AGBL4: variants seen among roughly 807,000 people sequenced by gnomAD.
The protein encoded by AGBL4 is cytosolic carboxypeptidase 6.
AGBL4 carries 58 observed loss-of-function variants against 66.4 expected under a neutral mutation model. The observed-to-expected ratio is 0.87, with a 90% CI of 0.71 to 1.09. The LOEUF (loss-of-function observed/expected upper bound fraction) is 1.09, where lower values mean the gene tolerates loss of function less well. Ranked by LOEUF, AGBL4 falls within the 50% of genes least tolerant of loss-of-function variation. AGBL4 has a pLI of 0.00. For synonymous variants in AGBL4, 234 were observed against 222.9 expected (o/e 1.05, Z -0.44); for missense variants, 579 against 631.0 (o/e 0.92, Z 0.88).
At chr1:49,540,240 AG>A (rs1651903091) in intron 3 of AGBL4, among the ~76,000 whole-genome samples, 3 of 152,202 alleles carry the variant, frequency 2.0e-5, no homozygotes, top group African/African-American at 4.8e-5. Flanking sequence ...TGTTACAATT[AG>A]CCAATCTTTA....
At chr1:48,769,526 A>AACACAC (rs558937968) in intron 6 of AGBL4, among the ~76,000 whole-genome samples, 19,583 of 130,012 alleles carry the variant, frequency 0.15, 1,591 homozygotes, top group Non-Finnish European at 0.16. Context: ...GAGGATTTAA[A>AACACAC]ACACACACAC....
rs756524117 is a variant in AGBL4 at position 49,910,273 on chromosome 1, A to G, written c.35-58755T>C. ...GAAGCTAAGAGATGAAACAGTTTCA[A>G]AAAGGTAGAGGACATAATCAACTGT... On this transcript the variant is annotated intron_variant, in intron 1 of 13. Coordinates refer to ENST00000371839, the MANE Select transcript of AGBL4 (RefSeq NM_032785.4). Among the ~76,000 whole-genome samples the G allele has an allele frequency of 7.6e-4, 116 of 152,328 alleles. 1 individual carries two copies. The highest frequency in any genetic ancestry group is 3.5e-3 in the Admixed American group (53 of 15,306).
At chr1:49,712,081 GTAAATTA>G (rs948919493) in intron 2 of AGBL4, among the ~76,000 whole-genome samples, 63 of 152,024 alleles carry the variant, frequency 4.1e-4, no homozygotes, top group African/African-American at 1.4e-3. Context: ...TTGTCAAATA[GTAAATTA>G]TAGTTATGCC....
chr1:48,777,301 T>C (rs1036053443), intron 6 of AGBL4, among the ~76,000 whole-genome samples: 4 of 151,838 alleles, frequency 2.6e-5, no homozygotes, highest in Non-Finnish European at 5.9e-5. Flanking sequence ...CATTGCCAAG[T>C]AGAGAAGTGT....
At chr1:48,565,977 T>G (rs970232221) in intron 11 of AGBL4, among the ~76,000 whole-genome samples, 1 of 152,186 alleles carries the variant, frequency 6.6e-6, no homozygotes, top group African/African-American at 2.4e-5. Flanking sequence ...ACTAAGGATA[T>G]CCTAGACCAC....
At chr1:48,688,053 G>T (rs1394130291) in intron 6 of AGBL4, among the ~76,000 whole-genome samples, 1 of 152,112 alleles carries the variant, frequency 6.6e-6, no homozygotes, top group Non-Finnish European at 1.5e-5. Context: ...TTTATTTACT[G>T]CTGTATCCCC....
chr1:49,881,510 A>C (rs915881626), intron 1 of AGBL4, among the ~76,000 whole-genome samples: 8 of 150,254 alleles, frequency 5.3e-5, no homozygotes, highest in Admixed American at 1.3e-4. Context: ...CCAACAGTGT[A>C]AAAGTGTTCC....
intron 4 of AGBL4, among the ~76,000 whole-genome samples, chr1:49,085,232 G>A (rs757349770): frequency 2.0e-5 from 3 of 151,740 alleles, no homozygotes; most frequent in Non-Finnish European, 4.4e-5. Context: ...GACATTCCTG[G>A]TTCTTAGCTC....
At chr1:49,330,067 T>C (rs1336581834) in intron 3 of AGBL4, among the ~76,000 whole-genome samples, 1 of 152,250 alleles carries the variant, frequency 6.6e-6, no homozygotes, top group Non-Finnish European at 1.5e-5. Flanking sequence ...CCATGTTTTA[T>C]ACTCATTGTG....
rs548222672 is a variant in AGBL4, at chr1:49,116,518, G to C, written c.378-70718C>G. Reference sequence around the variant, plus strand: ...AGTTTGCTGAGAATGATGTTTTCCAGCTTCATCCATGTCCCTGCAAAGGAC... The same window carrying C: ...AGTTTGCTGAGAATGATGTTTTCCACCTTCATCCATGTCCCTGCAAAGGAC... On this transcript the variant is annotated intron_variant, in intron 4 of 13. Coordinates refer to ENST00000371839, the MANE Select transcript of AGBL4 (RefSeq NM_032785.4). Among the ~76,000 whole-genome samples the C allele has an allele frequency of 2.6e-5, 4 of 152,212 alleles. No individual in the cohort carries two copies. In the South Asian group the frequency reaches 8.3e-4, roughly 32 times the overall value.
chr1:49,398,729 T>C (rs931649586), intron 3 of AGBL4, among the ~76,000 whole-genome samples: 1 of 152,038 alleles, frequency 6.6e-6, no homozygotes, highest in African/African-American at 2.4e-5. Flanking sequence ...TGTACATAGG[T>C]GCATATATTT....
intron 1 of AGBL4, among the ~76,000 whole-genome samples, chr1:49,889,871 A>G (rs183259267): frequency 9.2e-5 from 14 of 152,336 alleles, no homozygotes; most frequent in Admixed American, 7.8e-4. Context: ...AATAGAATAG[A>G]TAAGTTATAA....
intron 3 of AGBL4, among the ~76,000 whole-genome samples, chr1:49,475,087 T>G (rs1293899147): frequency 6.6e-6 from 1 of 152,022 alleles, no homozygotes; most frequent in East Asian, 1.9e-4. Flanking sequence ...CATAGATGGC[T>G]TTTATTATTT....
chr1:49,827,749 C>T (rs12128108), intron 2 of AGBL4, among the ~76,000 whole-genome samples: 28,369 of 152,030 alleles, frequency 0.19, 3,263 homozygotes, highest in East Asian at 0.42. Context: ...TTGACAAACT[C>T]ATGTGGCAAA....
chr1:49,854,721 C>A (rs1324145402), intron 1 of AGBL4, among the ~76,000 whole-genome samples: 2 of 152,138 alleles, frequency 1.3e-5, no homozygotes, highest in African/African-American at 4.8e-5. Flanking sequence ...ACATCTGGAC[C>A]CCCAGCACTG....
chr1:48,598,674 G>A (rs1645032209), intron 9 of AGBL4, among the ~76,000 whole-genome samples: 1 of 152,120 alleles, frequency 6.6e-6, no homozygotes, highest in Non-Finnish European at 1.5e-5. Context: ...CTACTCAGGA[G>A]GCTGAGGCAG....
At chr1:48,783,767 AT>A (rs1483859095) in intron 6 of AGBL4, among the ~76,000 whole-genome samples, 2 of 151,916 alleles carry the variant, frequency 1.3e-5, no homozygotes, top group African/African-American at 4.8e-5. Flanking sequence ...CTAGGCATTG[AT>A]TTTTTTTGTT....
At chr1:49,758,762 A>T (rs773916794) in intron 2 of AGBL4, among the ~76,000 whole-genome samples, 15 of 151,940 alleles carry the variant, frequency 9.9e-5, no homozygotes, top group Non-Finnish European at 1.9e-4. Flanking sequence ...CTCTCAGATA[A>T]AACTTTGGCC....
intron 3 of AGBL4, among the ~76,000 whole-genome samples, chr1:49,644,772 A>G (rs763520203): frequency 1.3e-5 from 2 of 151,570 alleles, no homozygotes; most frequent in Non-Finnish European, 3.0e-5. Context: ...ACTTGACTCA[A>G]TTGACATTTA....
Sources: allele counts gnomAD v4.1 joint callset (sites outside exome capture counted in the v4.1 genomes callset), GRCh38; gene constraint gnomAD v4.1.1; transcripts MANE v1.5; gene names NCBI Gene and HGNC (gene_info 2026-07-23, HGNC 2026-07-21).